PRR16: variants seen among roughly 807,000 people sequenced by gnomAD.
PRR16 encodes protein Largen.
Under a neutral mutation model 18.2 loss-of-function variants are expected in PRR16, and 6 were observed. The ratio of observed to expected loss-of-function variants is 0.33; its 90% CI spans 0.18 to 0.65. The LOEUF (loss-of-function observed/expected upper bound fraction) is 0.65, where lower values mean the gene tolerates loss of function less well. Among genes scored for constraint, PRR16 ranks in the 30% least tolerant of loss-of-function variants. The probability of loss-of-function intolerance (pLI) is 0.74; values close to 1 mark genes in which losing one functional copy is unlikely to be tolerated. For missense variants in PRR16, 412 were observed against 376.6 expected (o/e 1.09, Z -0.78); for synonymous variants, 151 against 147.8 (o/e 1.02, Z -0.16).
the PRR16 span, chr5:120,790,021 C>G: frequency 6.6e-6 from 1 of 152,148 alleles, no homozygotes; most frequent in Non-Finnish European, 1.5e-5. Context: ...CTTGATTCAT[C>G]TTTATGACTT....
At chr5:120,627,877 C>A (rs539479189) in intron 1 of PRR16, among the ~76,000 whole-genome samples, 17 of 152,158 alleles carry the variant, frequency 1.1e-4, no homozygotes, top group African/African-American at 3.9e-4. Context: ...GCTTACAAAT[C>A]CATTTTCTCT....
At chr5:120,777,718 G>A in the PRR16 span, among the ~76,000 whole-genome samples, 2 of 152,034 alleles carry the variant, frequency 1.3e-5, no homozygotes, top group African/African-American at 4.8e-5. Flanking sequence ...ATACCACAGT[G>A]TCTTACTAAG....
At chr5:120,651,979 T>C (rs1755806769) in intron 1 of PRR16, among the ~76,000 whole-genome samples, 1 of 152,100 alleles carries the variant, frequency 6.6e-6, no homozygotes, top group Admixed American at 6.6e-5. Context: ...TGTTCTTACA[T>C]TTCTTTGTAT....
At chr5:120,522,634 C>G (rs765574130) in intron 1 of PRR16, among the ~76,000 whole-genome samples, 3 of 152,148 alleles carry the variant, frequency 2.0e-5, no homozygotes, top group Non-Finnish European at 2.9e-5. Context: ...GAGATGGAGT[C>G]TCATTCTGTC....
At chr5:120,669,318 T>C (rs1408515648) in intron 1 of PRR16, among the ~76,000 whole-genome samples, 1 of 152,052 alleles carries the variant, frequency 6.6e-6, no homozygotes, top group East Asian at 1.9e-4. Flanking sequence ...CTCCCCTCTT[T>C]ACCATAGTTC....
intron 1 of PRR16, among the ~76,000 whole-genome samples, chr5:120,477,765 A>G (rs1318874598): frequency 6.6e-6 from 1 of 151,930 alleles, no homozygotes; most frequent in Non-Finnish European, 1.5e-5. Flanking sequence ...TCCCCAATTT[A>G]CTACTTTCTC....
intron 1 of PRR16, among the ~76,000 whole-genome samples, chr5:120,480,939 C>A (rs1400467129): frequency 6.6e-6 from 1 of 151,850 alleles, no homozygotes; most frequent in African/African-American, 2.4e-5. Context: ...TTTTTTCACT[C>A]TGTGCTAACA....
At chr5:120,576,672 T>C (rs1753088799) in intron 1 of PRR16, among the ~76,000 whole-genome samples, 5 of 152,110 alleles carry the variant, frequency 3.3e-5, no homozygotes, top group African/African-American at 1.2e-4. Flanking sequence ...GGGACAGTGG[T>C]CTTTTCCTTG....
intron 1 of PRR16, among the ~76,000 whole-genome samples, chr5:120,496,857 C>A (rs1443531997): frequency 6.6e-6 from 1 of 152,162 alleles, no homozygotes; most frequent in East Asian, 1.9e-4. Flanking sequence ...ATTTCCCACT[C>A]AGCACTGCTT....
At chr5:120,465,467 T>A (rs1749045775) in intron 1 of PRR16, among the ~76,000 whole-genome samples, 1 of 152,188 alleles carries the variant, frequency 6.6e-6, no homozygotes, top group African/African-American at 2.4e-5. Context: ...CCGCTTTTCC[T>A]ATCCCACTTC....
chr5:120,601,172 C>G (rs1753970853), intron 1 of PRR16, among the ~76,000 whole-genome samples: 1 of 152,016 alleles, frequency 6.6e-6, no homozygotes, highest in South Asian at 2.1e-4. Flanking sequence ...AGTGGCGGAA[C>G]TAATTTTACC....
chr5:120,575,963 A>G (rs1269598136), intron 1 of PRR16, among the ~76,000 whole-genome samples: 7 of 152,214 alleles, frequency 4.6e-5, no homozygotes, highest in African/African-American at 1.4e-4. Flanking sequence ...TGCTGGTATA[A>G]CTGGATATGA....
chr5:120,738,565 A>C, the PRR16 span, among the ~76,000 whole-genome samples: 1 of 152,132 alleles, frequency 6.6e-6, no homozygotes. Flanking sequence ...TGATTTTTGC[A>C]TGTGTTACAA....
chr5:120,656,078 G>C (rs1420018440), intron 1 of PRR16, among the ~76,000 whole-genome samples: 1 of 151,722 alleles, frequency 6.6e-6, no homozygotes, highest in Non-Finnish European at 1.5e-5. Flanking sequence ...GTCAGACCCA[G>C]AATTCCAAAC....
At chr5:120,674,596 C>A (rs1461849364) in intron 1 of PRR16, among the ~76,000 whole-genome samples, 1 of 152,014 alleles carries the variant, frequency 6.6e-6, no homozygotes, top group Admixed American at 6.6e-5. Context: ...TTGAAATTGA[C>A]TTTTCTTTAT....
At chr5:120,628,613 T>G (rs938451335) in intron 1 of PRR16, among the ~76,000 whole-genome samples, 8 of 152,154 alleles carry the variant, frequency 5.3e-5, no homozygotes, top group African/African-American at 1.9e-4. Context: ...TTATTTTTTG[T>G]ATGAAATTTT....
At chr5:120,550,942 G>A (rs922473633) in intron 1 of PRR16, among the ~76,000 whole-genome samples, 2 of 151,960 alleles carry the variant, frequency 1.3e-5, no homozygotes, top group East Asian at 1.9e-4. Context: ...TATATTCAAA[G>A]TATACAATGT....
At chr5:120,711,982 CCT>C in the PRR16 span, among the ~76,000 whole-genome samples, 3 of 152,154 alleles carry the variant, frequency 2.0e-5, no homozygotes, top group Admixed American at 6.6e-5. Context: ...ATTATGTTAG[CCT>C]TAATTTGACC....
chr5:120,592,325 G>A (rs2045187), intron 1 of PRR16, among the ~76,000 whole-genome samples: 65,302 of 151,960 alleles, frequency 0.43, 14,840 homozygotes, highest in East Asian at 0.82. Context: ...AACTCTTGTC[G>A]TAGGAGCTGT....
Sources: allele counts gnomAD v4.1 joint callset (sites outside exome capture counted in the v4.1 genomes callset), GRCh38; gene constraint gnomAD v4.1.1; transcripts MANE v1.5; gene names NCBI Gene and HGNC (gene_info 2026-07-23, HGNC 2026-07-21).